Variants in BIRC6 observed in about 807,000 individuals in gnomAD.
BIRC6 encodes the protein baculoviral IAP repeat containing 6.
Under a neutral mutation model 503.3 loss-of-function variants are expected in BIRC6, and 98 were observed. The observed-to-expected ratio is 0.19, with a 90% CI of 0.17 to 0.23. BIRC6 has a LOEUF of 0.23. Ranked by LOEUF, BIRC6 falls within the 10% of genes least tolerant of loss-of-function variation. The pLI is 1.00. For synonymous variants in BIRC6, 2,240 were observed against 2,078.7 expected (o/e 1.08, Z -2.11); for missense variants, 5,360 against 5,806.0 (o/e 0.92, Z 2.50).
intron 69 of BIRC6, 25 bp from the exon 70 acceptor site, chr2:32,599,714 C>T (rs745591208): frequency 6.3e-7 from 1 of 1,598,524 alleles, no homozygotes; most frequent in Non-Finnish European, 8.6e-7. Context: ...TTAACATAGA[C>T]TTTTGTATGT....
chr2:32,425,115 T>G (rs2043342137), intron 10 of BIRC6, among the ~76,000 whole-genome samples: 1 of 151,908 alleles, frequency 6.6e-6, no homozygotes, highest in Admixed American at 6.6e-5. Flanking sequence ...TTTTTTTGAT[T>G]GAGTTGTAGG....
chr2:32,510,471 C>A, intron 52 of BIRC6, 55 bp from the exon 53 acceptor site: 7 of 1,013,326 alleles, frequency 6.9e-6, no homozygotes, highest in Non-Finnish European at 9.3e-6. Flanking sequence ...AGTAAATCTT[C>A]CCATGGTTAA....
chr2:32,612,725 T>TC (rs2062964459), intron 73 of BIRC6, among the ~76,000 whole-genome samples: 2 of 152,194 alleles, frequency 1.3e-5, no homozygotes, highest in Non-Finnish European at 2.9e-5. Flanking sequence ...CATGAGTTGA[T>TC]AATGGTTGAA....
chr2:32,399,995 A>G (rs886187032), intron 6 of BIRC6, among the ~76,000 whole-genome samples: 3 of 151,860 alleles, frequency 2.0e-5, no homozygotes, highest in African/African-American at 2.4e-5. Context: ...AGGTCTCACT[A>G]TGTTGCCTAG....
chr2:32,456,432 G>C (rs1279981979), intron 23 of BIRC6, among the ~76,000 whole-genome samples: 1 of 152,186 alleles, frequency 6.6e-6, no homozygotes, highest in Non-Finnish European at 1.5e-5. Flanking sequence ...ACTGCTGATA[G>C]ACATTTGAGT....
intron 1 of BIRC6, among the ~76,000 whole-genome samples, chr2:32,371,946 C>G (rs1333305623): frequency 1.3e-5 from 2 of 151,964 alleles, no homozygotes; most frequent in Admixed American, 6.6e-5. Flanking sequence ...GCTGGGATTA[C>G]AGGTGCCTGC....
In BIRC6 at chr2:32,510,013, A is replaced by T; in HGVS notation, c.10237+19A>T. The T allele has an allele frequency of 6.2e-7, 1 of 1,610,986 alleles. No individual in the cohort carries two copies. The highest frequency in any genetic ancestry group is 2.2e-5 in the East Asian group (1 of 44,854). On this transcript the variant is annotated intron_variant, in intron 52 of 73. Transcript: ENST00000421745. ...CCTACAGGTGATAATTAACTTTGAT[A>T]TTTAAATGTTTACATATCTGTAAAG... is the stretch of plus-strand genomic sequence containing the variant.
chr2:32,605,452 T>G (rs895931392), intron 71 of BIRC6, among the ~76,000 whole-genome samples: 1 of 152,226 alleles, frequency 6.6e-6, no homozygotes, highest in African/African-American at 2.4e-5. Flanking sequence ...TCTGTGCTTT[T>G]GTACAAAAAT....
intron 33 of BIRC6, among the ~76,000 whole-genome samples, chr2:32,475,159 TAAA>T (rs11394641): frequency 1.8e-5 from 2 of 114,212 alleles, no homozygotes; most frequent in Non-Finnish European, 3.4e-5. Context: ...AAGACTATCT[TAAA>T]AAAAAAAAAA....
intron 33 of BIRC6, among the ~76,000 whole-genome samples, chr2:32,475,314 A>G (rs566638959): frequency 1.5e-4 from 23 of 152,278 alleles, no homozygotes; most frequent in African/African-American, 5.3e-4. Flanking sequence ...TTCTGTGTAC[A>G]TGCTGTATGG....
intron 66 of BIRC6, among the ~76,000 whole-genome samples, 165 bp downstream of exon 66, chr2:32,575,531 G>T (rs1044572586): frequency 6.6e-6 from 1 of 152,146 alleles, no homozygotes. Flanking sequence ...GTGGGAGGCC[G>T]AGGTGGATGG....
At chr2:32,431,525 T>C (rs926772803) in intron 12 of BIRC6, among the ~76,000 whole-genome samples, 1 of 152,154 alleles carries the variant, frequency 6.6e-6, no homozygotes, top group Non-Finnish European at 1.5e-5. Context: ...CTAAAAGATA[T>C]ACAGTAATAT....
intron 65 of BIRC6, among the ~76,000 whole-genome samples, chr2:32,571,811 T>A (rs1227288499): frequency 2.6e-5 from 4 of 152,192 alleles, no homozygotes; most frequent in East Asian, 1.9e-4. Flanking sequence ...TTCCTTGAGG[T>A]ACATGTAAGA....
chr2:32,480,570 C>A (rs564416984), intron 37 of BIRC6, among the ~76,000 whole-genome samples: 2 of 137,032 alleles, frequency 1.5e-5, no homozygotes, highest in African/African-American at 5.5e-5. Context: ...AATTTGGAGA[C>A]ATCTGAGAGA....
At chr2:32,449,017 T>G in intron 22 of BIRC6, 89 bp downstream of exon 22, 1 of 1,316,900 alleles carries the variant, frequency 7.6e-7, no homozygotes, top group Admixed American at 2.5e-5. Flanking sequence ...GTCATGATGT[T>G]TTGTCTTTAG....
At chr2:32,533,379 CCTGT>C (rs1340366800) in intron 61 of BIRC6, among the ~76,000 whole-genome samples, 2 of 152,166 alleles carry the variant, frequency 1.3e-5, no homozygotes, top group African/African-American at 2.4e-5. Context: ...GAAAGTACAA[CCTGT>C]CTTTTTCTTG....
chr2:32,446,580 A>G (rs992453259), intron 21 of BIRC6, among the ~76,000 whole-genome samples: 2 of 151,986 alleles, frequency 1.3e-5, no homozygotes, highest in Non-Finnish European at 2.9e-5. Context: ...CCTCGCTTCA[A>G]TCTGCAGGTG....
rs748218653 is a variant in BIRC6, at chr2:32,442,121, C to G, written c.4001C>G (p.Thr1334Ser). ...FSEFHEKLLNTLCRKTDDGQI... is the reference protein window; with the variant it reads ...FSEFHEKLLNSLCRKTDDGQI... ...GAATTTCATGAGAAGCTTCTTAATA[C>G]TCTTTGCAGAAAAACAGATGATGGC... is the stretch of plus-strand genomic sequence containing the variant. Residue 1334 changes from threonine (T) to serine (S), a missense_variant, in exon 18 of 74, where the codon ACT (threonine) becomes AGT (serine). This residue lies in a region of BIRC6 where 2,299 missense variants were observed against 2,267.2 expected (regional missense o/e 1.01). Transcript: ENST00000421745. The G allele has an allele frequency of 3.7e-6, 6 of 1,609,812 alleles. No homozygotes were observed. The highest frequency in any genetic ancestry group is 5.1e-6 in the Non-Finnish European group (6 of 1,178,786).
Position 32,597,944 on chromosome 2 carries a change from T to G in BIRC6, c.13806T>G (p.Asp4602Glu), listed in dbSNP as rs2061778985. 6.2e-7 allele frequency: 1 copy of G among 1,612,940 alleles called. No individual in the cohort carries two copies. The highest frequency in any genetic ancestry group is 8.5e-7 in the Non-Finnish European group (1 of 1,179,838). ...CCTCTAGTGTGTTTGTACGCTGTGA[T>G]GAGGAGCGACTTGATATCATGAAGG... The part of the protein sequence containing the change: ...SSSSSVFVRC[D>E]EERLDIMKVL... The change falls in exon 69 of 74, where the codon GAT becomes GAG. Residue 4602 changes from aspartate (D) to glutamate (E), a missense_variant. Asp to Glu is a conservative substitution (Grantham distance 45). Transcript: ENST00000421745.
Sources: allele counts gnomAD v4.1 joint callset (sites outside exome capture counted in the v4.1 genomes callset), GRCh38; gene constraint gnomAD v4.1.1; regional missense constraint gnomAD v4.1.1; transcripts MANE v1.5; gene names NCBI Gene and HGNC (gene_info 2026-07-23, HGNC 2026-07-21).